The following NOTCH3 variants were observed in gnomAD, a reference collection of about 807,000 sequenced individuals.
NOTCH3 encodes the protein notch receptor 3, also known as neurogenic locus notch homolog protein 3.
NOTCH3 carries 86 observed loss-of-function variants against 213.3 expected under a neutral mutation model. The ratio of observed to expected loss-of-function variants is 0.40; its 90% CI spans 0.34 to 0.48. NOTCH3 has a LOEUF of 0.48. NOTCH3 is among the 20% of genes least tolerant of loss of function. The pLI, the probability that NOTCH3 is intolerant of heterozygous loss-of-function variation, is 0.57. For synonymous variants in NOTCH3, 1,354 were observed against 1,355.9 expected, an observed-to-expected ratio of 1.00 and a Z score of 0.03; for missense variants, 2,783 against 3,272.6, an observed-to-expected ratio of 0.85 and a Z score of 3.65.
rs1191007031 is a variant in NOTCH3, at chr19:15,191,999, G to T, written c.640C>A (p.Gln214Lys). Residue 214 changes from glutamine to lysine, a missense_variant, in exon 4 of 33, where the codon CAG (glutamine) becomes AAG (lysine). Gln to Lys is a moderately conservative substitution (Grantham distance 53, BLOSUM62 1). Coordinates refer to ENST00000263388, the MANE Select transcript of NOTCH3 (RefSeq NM_000435.3). ...SPCRNGGTCR[Q>K]SGDLTYDCAC... ...CAGTCGTAAGTGAGGTCGCCACTCT[G>T]CCTGCAGGTGCCCCCGTTACGGCAT... The T allele has an allele frequency of 6.2e-7, 1 of 1,613,350 alleles. No homozygotes were observed. Among genetic ancestry groups the T allele is most frequent in the Non-Finnish European group, 8.5e-7 (1 of 1,180,010 alleles).
At position 15,186,859 on chromosome 19, in the gene NOTCH3, A is replaced by G; in HGVS notation, c.1951+19T>C. 1 of 1,603,784 alleles carries G rather than the reference A, an allele frequency of 6.2e-7. No homozygotes were observed. The highest frequency in any genetic ancestry group is 8.5e-7 in the Non-Finnish European group (1 of 1,170,600). On this transcript the variant is annotated intron_variant, in intron 12 of 32. Transcript: ENST00000263388. The stretch of plus-strand genomic sequence containing the variant: ...ACCCTCGATCTAAGGACCCCCTCTC[A>G]TGGCAGCCACTTGCCCACCTGTGAA...
intron 25 of NOTCH3, among the ~76,000 whole-genome samples, chr19:15,171,832 G>C (rs1461860203): frequency 6.6e-6 from 1 of 150,514 alleles, no homozygotes; most frequent in Admixed American, 6.6e-5. Context: ...GCCACGCCCA[G>C]GTAATTTTTG....
intron 2 of NOTCH3, among the ~76,000 whole-genome samples, chr19:15,195,984 C>G (rs2046967272): frequency 1.4e-5 from 2 of 143,442 alleles, no homozygotes; most frequent in South Asian, 4.4e-4. Context: ...GGGACGAGGT[C>G]TATGGAAACG....
In NOTCH3 at chr19:15,185,968, A is replaced by G. The variant is rs2046878476; in HGVS notation, c.1952-289T>C. 6.6e-6 allele frequency among the ~76,000 whole-genome samples: 1 copy of G among 152,034 alleles called. No individual in the cohort carries two copies. Among genetic ancestry groups the G allele is most frequent in the African/African-American group, 2.4e-5 (1 of 41,394 alleles). ...GTCGCCCGGGCTGGACTGCAGTGGC[A>G]TGATCATAGCTCACCACAGCCTCCA... On this transcript the variant is annotated intron_variant, in intron 12 of 32. Transcript: ENST00000263388. The surrounding 1 kb of genome is among the most constrained non-coding windows in gnomAD (Gnocchi z 4.2).
At position 15,161,801 on chromosome 19, in the gene NOTCH3, T is replaced by C. The variant is rs1278862481; in HGVS notation, c.5914-87A>G. The C allele has an allele frequency of 9.9e-6, 12 of 1,208,814 alleles. No individual in the cohort carries two copies. The East Asian group carries it at 3.0e-4, about 30-fold the overall frequency. The allele number at this position is 1,208,814 out of a possible 1,614,324, so 74.9% of individuals were successfully genotyped here. A position where few individuals can be genotyped will look rare whatever the true frequency, so the allele number is the denominator to read the frequency against. Reference sequence around the variant, plus strand: ...GCCTCTTGGGGGAGCCCGAGAGCTATGAGTTTGTACACTGGAGCTTGACAG... The same window carrying C: ...GCCTCTTGGGGGAGCCCGAGAGCTACGAGTTTGTACACTGGAGCTTGACAG... On this transcript the variant is annotated intron_variant, in intron 32 of 32. Transcript: ENST00000263388.
chr19:15,188,970 G>C lies in NOTCH3; in HGVS notation c.1378+19C>G. ...CGCCCCCTGCCTCAGGACCCGCCCA[G>C]GCCACGCCCACCACCCACCTGCCAT... On this transcript the variant is annotated intron_variant, in intron 8 of 32. Transcript: ENST00000263388. The C allele has an allele frequency of 8.1e-6, 13 of 1,604,106 alleles. No homozygotes were observed. Among genetic ancestry groups the C allele is most frequent in the Non-Finnish European group, 1.1e-5 (13 of 1,175,962 alleles).
chr19:15,186,500 G>T (rs935354525), intron 12 of NOTCH3, among the ~76,000 whole-genome samples: 6 of 151,662 alleles, frequency 4.0e-5, no homozygotes, highest in African/African-American at 1.5e-4. Flanking sequence ...CGCCTCCTGA[G>T]GTCAAGCAAT....
rs1049084733 is a variant in NOTCH3, at chr19:15,159,469, C to T, written c.*1193G>A. The T allele has an allele frequency of 5.3e-6, 1 of 189,906 alleles. No individual in the cohort carries two copies. The highest frequency in any genetic ancestry group is 1.1e-5 in the Non-Finnish European group (1 of 90,540). The allele number at this position is 189,906 out of a possible 1,614,324, so 11.8% of individuals were successfully genotyped here. ...TGGCTCAGCTTAAGTCAGGTGACAA[C>T]CACTAATCCAATCGGTAGTCATCTG... On this transcript the variant is annotated 3_prime_UTR_variant, in exon 33 of 33. Coordinates refer to ENST00000263388, the MANE Select transcript of NOTCH3 (RefSeq NM_000435.3).
At chr19:15,169,473 G>T (rs2046713094) in intron 28 of NOTCH3, among the ~76,000 whole-genome samples, 3 of 151,882 alleles carry the variant, frequency 2.0e-5, no homozygotes, top group Admixed American at 2.0e-4. Context: ...AGGTTCAAGG[G>T]ATTCTCCTGC....
intron 28 of NOTCH3, among the ~76,000 whole-genome samples, chr19:15,169,759 C>T (rs73506334): frequency 2.0e-5 from 3 of 152,174 alleles, no homozygotes; most frequent in Non-Finnish European, 2.9e-5. Context: ...AAGGCAGACT[C>T]GCTCTCTGGG....
chr19:15,174,779 G>A (rs1294531305), intron 24 of NOTCH3, among the ~76,000 whole-genome samples: 3 of 151,900 alleles, frequency 2.0e-5, no homozygotes, highest in African/African-American at 7.3e-5. Context: ...TTACTATGTT[G>A]GCCAGGCTGC....
In NOTCH3 at chr19:15,181,621, T is replaced by C; in HGVS notation, c.2747A>G (p.Tyr916Cys). 7.1e-6 allele frequency: 11 copies of C among 1,550,924 alleles called. No individual in the cohort carries two copies. The highest frequency in any genetic ancestry group is 9.6e-6 in the Non-Finnish European group (11 of 1,146,948). Reference sequence around the variant, plus strand: ...GTCCTGTTCGCAGTGGAAGCCTCCGTAGCCTGGCGGGCAGGTGCAGGTGAA... The same window carrying C: ...GTCCTGTTCGCAGTGGAAGCCTCCGCAGCCTGGCGGGCAGGTGCAGGTGAA... ...ASFTCTCPPG[Y>C]GGFHCEQDLP... Residue 916 changes from tyrosine to cysteine, a missense_variant, in exon 17 of 33, where the codon TAC becomes TGC. Physicochemically the swap from Tyr to Cys is radical, Grantham distance 194 (BLOSUM62 -2). Coordinates refer to ENST00000263388, the MANE Select transcript of NOTCH3 (RefSeq NM_000435.3).
chr19:15,180,199 G>A lies in NOTCH3; in HGVS notation c.3200C>T (p.Ser1067Phe). ...AGGQCVDEDS[S>F]HYCVCPEGRT... Reference sequence around the variant, plus strand: ...GCCCTCTGGGCACACGCAGTAGTGGGAGCTGTCTTCATCCACACACTGCCC... The same window carrying A: ...GCCCTCTGGGCACACGCAGTAGTGGAAGCTGTCTTCATCCACACACTGCCC... Residue 1067 changes from serine to phenylalanine, a missense_variant, in exon 20 of 33, where the codon TCC becomes TTC. Physicochemically the swap from Ser to Phe is radical, Grantham distance 155. Coordinates refer to ENST00000263388, the MANE Select transcript of NOTCH3 (RefSeq NM_000435.3). 6.2e-7 allele frequency: 1 copy of A among 1,613,848 alleles called. No individual in the cohort carries two copies. The highest frequency in any genetic ancestry group is 1.1e-5 in the South Asian group (1 of 91,072).
intron 8 of NOTCH3, 121 bp downstream of exon 8, chr19:15,188,868 C>T (rs2046905077): frequency 2.1e-6 from 2 of 965,720 alleles, no homozygotes; most frequent in Admixed American, 4.4e-5. Context: ...TTCCAGGCTT[C>T]AGTCTCTAAG....
intron 2 of NOTCH3, among the ~76,000 whole-genome samples, chr19:15,193,783 A>T (rs1568362653): frequency 7.3e-6 from 1 of 136,928 alleles, no homozygotes; most frequent in African/African-American, 2.6e-5. Flanking sequence ...AAAAAAACAA[A>T]AAACAAAAAA....
rs71333359 is a variant in NOTCH3, at chr19:15,193,795, AC to A, written c.198-1277del. On this transcript the variant is annotated intron_variant, in intron 2 of 32. Coordinates refer to ENST00000263388, the MANE Select transcript of NOTCH3 (RefSeq NM_000435.3). Reference sequence around the variant, plus strand: ...CAAAAAAAAACAAAAAACAAAAAAAACAAACAGGCCAGGCGCAGTGGCTCAT... The same window carrying A: ...CAAAAAAAAACAAAAAACAAAAAAAAAAACAGGCCAGGCGCAGTGGCTCAT... 5.1e-3 allele frequency among the ~76,000 whole-genome samples: 666 copies of A among 130,450 alleles called. 118 individuals carry two copies. The highest frequency in any genetic ancestry group is 0.011 in the East Asian group (48 of 4,272). 85.6% of individuals were successfully genotyped at this position (130,450 alleles called of 152,430 possible). A position where few individuals can be genotyped will look rare whatever the true frequency, so the allele number is the denominator to read the frequency against.
In NOTCH3 at chr19:15,184,316, C is replaced by T; in HGVS notation, c.2545G>A (p.Asp849Asn). The T allele has an allele frequency of 6.2e-7, 1 of 1,614,016 alleles. No homozygotes were observed. The highest frequency in any genetic ancestry group is 8.5e-7 in the Non-Finnish European group (1 of 1,180,022). Residue 849 changes from aspartate to asparagine, a missense_variant, in exon 16 of 33, where the codon GAC becomes AAC. Physicochemically the swap from Asp to Asn is conservative, Grantham distance 23. This residue lies in a region of NOTCH3 where 861 missense variants were observed against 909.1 expected (regional missense o/e 0.95). Coordinates refer to ENST00000263388, the MANE Select transcript of NOTCH3 (RefSeq NM_000435.3). ...TCACTGGGGTCACAGTCATTGATGT[C>T]CTGATCGCAGGAAGGGCCAGTGTAC... ...GGYTGPSCDQ[D>N]INDCDPNPCL...
intron 25 of NOTCH3, among the ~76,000 whole-genome samples, chr19:15,172,515 A>G (rs1280518821): frequency 6.7e-6 from 1 of 149,744 alleles, no homozygotes; most frequent in African/African-American, 2.5e-5. Flanking sequence ...CCCTTCCACC[A>G]CCCACATCCC....
rs373181668 is a variant in NOTCH3, at chr19:15,179,403, C to T, written c.3421G>A (p.Val1141Met). ...GGACAGGAGCAGAGATAGCGGGCCA[C>T]GAGGTCAATGCATGAACCCCCGTGC... ...CQHGGSCIDLVARYLCSCPPG... is the reference protein window; with the variant it reads ...CQHGGSCIDLMARYLCSCPPG... The change falls in exon 21 of 33, where the codon GTG (valine) becomes ATG (methionine). Residue 1141 changes from valine to methionine, a missense_variant. By Grantham distance (21) the Val-to-Met change is conservative. This residue lies in a region of NOTCH3 where 861 missense variants were observed against 909.1 expected (regional missense o/e 0.95). Coordinates refer to ENST00000263388, the MANE Select transcript of NOTCH3 (RefSeq NM_000435.3). 7.9e-5 allele frequency: 128 copies of T among 1,614,134 alleles called. No individual in the cohort carries two copies. Among genetic ancestry groups the T allele is most frequent in the Admixed American group, 3.2e-4 (19 of 60,024 alleles).
Sources: gnomAD v4.1 joint callset for allele counts (sites outside exome capture counted in the v4.1 genomes callset) on GRCh38, gnomAD v4.1.1 for gene constraint, gnomAD v4.1.1 regional missense constraint, Gnocchi (gnomAD v3.1) non-coding constraint, MANE v1.5 for transcripts, NCBI Gene and HGNC (gene_info 2026-07-23, HGNC 2026-07-21) for gene names.